MARCHF1: variants seen among roughly 807,000 people sequenced by gnomAD.
The protein encoded by MARCHF1 is E3 ubiquitin-protein ligase MARCHF1.
Under a neutral mutation model 54.2 loss-of-function variants are expected in MARCHF1, and 40 were observed. The observed-to-expected ratio is 0.74, with a 90% CI of 0.57 to 0.96. The LOEUF (loss-of-function observed/expected upper bound fraction) is 0.96, where lower values mean the gene tolerates loss of function less well. Among genes scored for constraint, MARCHF1 ranks in the 40% least tolerant of loss-of-function variants. The pLI, the probability that MARCHF1 is intolerant of heterozygous loss-of-function variation, is 0.00. For missense variants in MARCHF1, 586 were observed against 656.5 expected, an observed-to-expected ratio of 0.89 and a Z score of 1.17; for synonymous variants, 236 against 236.3, an observed-to-expected ratio of 1.00 and a Z score of 0.01.
chr4:164,335,321 G>A (rs1009192112), intron 1 of MARCHF1, among the ~76,000 whole-genome samples: 5 of 152,114 alleles, frequency 3.3e-5, no homozygotes, highest in Admixed American at 2.0e-4. Context: ...GGTGGCTCAC[G>A]CCTGTAATCC....
At chr4:163,732,651 AC>A (rs1177287198) in intron 4 of MARCHF1, among the ~76,000 whole-genome samples, 1 of 152,198 alleles carries the variant, frequency 6.6e-6, no homozygotes, top group Non-Finnish European at 1.5e-5. Context: ...GAGGAGCAAA[AC>A]TAATATTGTC....
At chr4:163,999,396 T>A (rs1284133523) in intron 2 of MARCHF1, among the ~76,000 whole-genome samples, 3 of 151,556 alleles carry the variant, frequency 2.0e-5, no homozygotes, top group African/African-American at 4.8e-5. Flanking sequence ...GCAAAAAAGA[T>A]GGATATTAAA....
At chr4:164,180,431 C>T (rs1381604422) in intron 1 of MARCHF1, among the ~76,000 whole-genome samples, 1 of 152,072 alleles carries the variant, frequency 6.6e-6, no homozygotes, top group African/African-American at 2.4e-5. Context: ...TTCTAGCTGT[C>T]CATTTAATGT....
chr4:163,789,696 T>C (rs1747720648), intron 4 of MARCHF1, among the ~76,000 whole-genome samples: 1 of 151,982 alleles, frequency 6.6e-6, no homozygotes, highest in South Asian at 2.1e-4. Context: ...ATGAAAAAGT[T>C]TGGGATGTCT....
At chr4:163,553,347 TAAC>T (rs1421581450) in intron 8 of MARCHF1, among the ~76,000 whole-genome samples, 5 of 152,356 alleles carry the variant, frequency 3.3e-5, no homozygotes, top group Non-Finnish European at 7.3e-5. Context: ...GTCATGCTGA[TAAC>T]ATCTCTGAGG....
chr4:163,854,302 A>G, intron 3 of MARCHF1, 133 bp from the exon 4 acceptor site: 2 of 613,908 alleles, frequency 3.3e-6, no homozygotes, highest in Non-Finnish European at 5.4e-6. Flanking sequence ...CAGGGGTTAC[A>G]AGGAGGAAAA....
intron 1 of MARCHF1, among the ~76,000 whole-genome samples, chr4:164,268,086 C>T (rs1733654590): frequency 6.6e-6 from 1 of 152,156 alleles, no homozygotes; most frequent in Admixed American, 6.6e-5. Context: ...ACACAAAAAT[C>T]ACACACACAA....
intron 5 of MARCHF1, among the ~76,000 whole-genome samples, chr4:163,631,193 G>C (rs927730006): frequency 6.6e-6 from 1 of 151,458 alleles, no homozygotes; most frequent in Non-Finnish European, 1.5e-5. Context: ...CAGAAAATAA[G>C]TTGCAGAACT....
chr4:163,966,247 G>A (rs1752441296), intron 3 of MARCHF1, among the ~76,000 whole-genome samples: 1 of 151,622 alleles, frequency 6.6e-6, no homozygotes, highest in African/African-American at 2.4e-5. Context: ...TAGTTATTTT[G>A]CATATAAGGG....
intron 1 of MARCHF1, among the ~76,000 whole-genome samples, chr4:164,232,410 A>C (rs1469466101): frequency 6.6e-6 from 1 of 152,172 alleles, no homozygotes; most frequent in Non-Finnish European, 1.5e-5. Context: ...CAAAGAGTAC[A>C]TGAAGTCAAA....
chr4:164,039,656 A>C (rs557537165), intron 2 of MARCHF1, among the ~76,000 whole-genome samples: 1 of 152,226 alleles, frequency 6.6e-6, no homozygotes, highest in South Asian at 2.1e-4. Context: ...CTTTTTCTTA[A>C]GACATTGTAT....
chr4:163,618,412 C>G (rs911879669), intron 5 of MARCHF1, among the ~76,000 whole-genome samples: 2 of 152,150 alleles, frequency 1.3e-5, no homozygotes, highest in Admixed American at 1.3e-4. Context: ...CCTCTTCACT[C>G]TTCAGAGGGG....
intron 1 of MARCHF1, among the ~76,000 whole-genome samples, chr4:164,360,875 C>A (rs567464914): frequency 6.6e-6 from 1 of 152,182 alleles, no homozygotes; most frequent in South Asian, 2.1e-4. Flanking sequence ...TGGTAGTAAA[C>A]TATAGGTACT....
intron 2 of MARCHF1, among the ~76,000 whole-genome samples, chr4:163,998,331 TA>T (rs1386032374): frequency 6.6e-6 from 1 of 151,458 alleles, no homozygotes; most frequent in East Asian, 1.9e-4. Context: ...GATCTTTCAA[TA>T]CTCTAAAGCA....
intron 4 of MARCHF1, among the ~76,000 whole-genome samples, chr4:163,777,796 G>A (rs1179385746): frequency 1.3e-5 from 2 of 152,026 alleles, no homozygotes; most frequent in Non-Finnish European, 2.9e-5. Flanking sequence ...CAATAAAATT[G>A]AGCAATTTGG....
At chr4:163,630,383 G>A (rs1742031282) in intron 5 of MARCHF1, among the ~76,000 whole-genome samples, 1 of 152,170 alleles carries the variant, frequency 6.6e-6, no homozygotes, top group Non-Finnish European at 1.5e-5. Flanking sequence ...ACAATCCAGA[G>A]TGACATGAAG....
chr4:164,182,561 C>T (rs1730859506), intron 1 of MARCHF1, among the ~76,000 whole-genome samples: 1 of 151,816 alleles, frequency 6.6e-6, no homozygotes, highest in African/African-American at 2.4e-5. Context: ...GTATCCATAA[C>T]ATATAATATA....
At chr4:163,623,531 T>C (rs542631542) in intron 5 of MARCHF1, among the ~76,000 whole-genome samples, 12 of 152,300 alleles carry the variant, frequency 7.9e-5, no homozygotes, top group African/African-American at 2.6e-4. Context: ...CAAGCCTAAA[T>C]GGGACGGCGT....
At chr4:164,239,104 C>T (rs1420013652) in intron 1 of MARCHF1, among the ~76,000 whole-genome samples, 1 of 151,982 alleles carries the variant, frequency 6.6e-6, no homozygotes, top group African/African-American at 2.4e-5. Context: ...GGTTACATTT[C>T]ATCTATTATT....
Sources: gnomAD v4.1 joint callset for allele counts (sites outside exome capture counted in the v4.1 genomes callset) on GRCh38, gnomAD v4.1.1 for gene constraint, MANE v1.5 for transcripts, NCBI Gene and HGNC (gene_info 2026-07-23, HGNC 2026-07-21) for gene names.